Variants in TMC1 observed in about 807,000 individuals in gnomAD.
TMC1 encodes the protein transmembrane channel like 1.
TMC1 carries 84 observed loss-of-function variants against 105.8 expected under a neutral mutation model. The observed-to-expected ratio is 0.79, with a 90% CI of 0.67 to 0.95. The LOEUF (loss-of-function observed/expected upper bound fraction) is 0.95. Ranked by LOEUF, TMC1 falls within the 40% of genes least tolerant of loss-of-function variation. TMC1 has a pLI of 0.00. For synonymous variants in TMC1, 315 were observed against 311.5 expected (o/e 1.01, Z -0.12); for missense variants, 817 against 914.1 (o/e 0.89, Z 1.37).
intron 8 of TMC1, among the ~76,000 whole-genome samples, chr9:72,706,666 A>C (rs955843757): frequency 6.6e-6 from 1 of 152,252 alleles, no homozygotes; most frequent in Non-Finnish European, 1.5e-5. Context: ...GAATGAGAAC[A>C]TATGATATTT....
At chr9:72,759,295 CT>C (rs1827717839) in intron 12 of TMC1, among the ~76,000 whole-genome samples, 1 of 152,088 alleles carries the variant, frequency 6.6e-6, no homozygotes, top group East Asian at 1.9e-4. Context: ...CTTCTCCTGA[CT>C]TTTTGTCTAA....
chr9:72,798,721 A>G (rs530783417), intron 17 of TMC1, among the ~76,000 whole-genome samples: 2 of 152,192 alleles, frequency 1.3e-5, no homozygotes, highest in Admixed American at 1.3e-4. Flanking sequence ...AGCAGAAAAG[A>G]TAACTATTGG....
intron 1 of TMC1, among the ~76,000 whole-genome samples, chr9:72,570,542 T>C (rs1233960944): frequency 6.6e-6 from 1 of 151,996 alleles, no homozygotes; most frequent in Non-Finnish European, 1.5e-5. Context: ...GATCTTAGTA[T>C]TATTGCTTTT....
intron 13 of TMC1, among the ~76,000 whole-genome samples, chr9:72,784,233 A>G (rs188892218): frequency 1.3e-5 from 2 of 152,200 alleles, no homozygotes; most frequent in Non-Finnish European, 2.9e-5. Context: ...ACAAAACAAA[A>G]CAAAACCCTA....
chr9:72,655,420 T>G (rs1454996485), intron 5 of TMC1, among the ~76,000 whole-genome samples: 9 of 152,206 alleles, frequency 5.9e-5, no homozygotes, highest in Non-Finnish European at 5.9e-5. Flanking sequence ...TAGTTTCTGA[T>G]GAGTAGTCTG....
chr9:72,740,260 A>G (rs772391549), intron 9 of TMC1, 51 bp downstream of exon 9: 13 of 1,509,976 alleles, frequency 8.6e-6, no homozygotes, highest in Non-Finnish European at 1.1e-5. Flanking sequence ...TCTAAGAAGA[A>G]CACTGGTTCT....
chr9:72,694,839 T>C (rs1489516047), intron 7 of TMC1, 125 bp downstream of exon 7: 6 of 843,248 alleles, frequency 7.1e-6, no homozygotes, highest in South Asian at 1.7e-5. Context: ...AATCTGATGA[T>C]GCTATTTTAT....
intron 1 of TMC1, among the ~76,000 whole-genome samples, chr9:72,555,288 C>T (rs552327204): frequency 8.6e-5 from 13 of 151,470 alleles, no homozygotes; most frequent in South Asian, 2.1e-4. Context: ...CTCCATCTCC[C>T]GGGTTCAAGT....
At chr9:72,794,417 C>T (rs111791198) in intron 17 of TMC1, among the ~76,000 whole-genome samples, 2 of 152,310 alleles carry the variant, frequency 1.3e-5, no homozygotes, top group African/African-American at 4.8e-5. Flanking sequence ...TGCGGCAACA[C>T]AGGGGAGCCT....
At chr9:72,647,158 A>AAG (rs1257372051) in intron 4 of TMC1, among the ~76,000 whole-genome samples, 1 of 151,296 alleles carries the variant, frequency 6.6e-6, no homozygotes, top group Non-Finnish European at 1.5e-5. Context: ...AAAAAAAAAA[A>AAG]AGAGAGAGAA....
chr9:72,807,124 G>A (rs34810577), intron 18 of TMC1, among the ~76,000 whole-genome samples: 2 of 152,130 alleles, frequency 1.3e-5, no homozygotes, highest in East Asian at 1.9e-4. Flanking sequence ...GTGTCGGCGC[G>A]AGCCTGCAAT....
chr9:72,648,299 T>A (rs939860327), intron 4 of TMC1, among the ~76,000 whole-genome samples: 2 of 152,168 alleles, frequency 1.3e-5, no homozygotes, highest in African/African-American at 4.8e-5. Context: ...TGGAAGGCAT[T>A]AAAAATGAGG....
At chr9:72,787,279 TG>T (rs1305039903) in intron 13 of TMC1, among the ~76,000 whole-genome samples, 2 of 152,168 alleles carry the variant, frequency 1.3e-5, no homozygotes, top group Non-Finnish European at 2.9e-5. Context: ...AAGGGTAAAG[TG>T]GTAGATGGAT....
chr9:72,813,149 G>A lies in TMC1; in HGVS notation c.1696-2994G>A, dbSNP rs76014675. 2.0e-3 allele frequency among the ~76,000 whole-genome samples: 298 copies of A among 149,376 alleles called. 3 individuals carry two copies. Among genetic ancestry groups the A allele is most frequent in the Non-Finnish European group, 2.1e-3 (139 of 67,090 alleles). On this transcript the variant is annotated intron_variant, in intron 18 of 23. Coordinates refer to ENST00000297784, the MANE Select transcript of TMC1 (RefSeq NM_138691.3). Reference sequence around the variant, plus strand: ...ATGATCTCAAAGTTCAAGAGAATCTGTTTTTTTTTCTTTTTCCCTAACCGT... The same window carrying A: ...ATGATCTCAAAGTTCAAGAGAATCTATTTTTTTTTCTTTTTCCCTAACCGT...
chr9:72,563,499 TA>T (rs1824093529), intron 1 of TMC1, among the ~76,000 whole-genome samples: 2 of 152,096 alleles, frequency 1.3e-5, no homozygotes, highest in African/African-American at 4.8e-5. Flanking sequence ...GTAGAGGACT[TA>T]AGAGACCATT....
intron 6 of TMC1, among the ~76,000 whole-genome samples, chr9:72,691,108 G>T (rs1441856064): frequency 6.6e-6 from 1 of 152,008 alleles, no homozygotes; most frequent in East Asian, 1.9e-4. Context: ...TTAGACCTCT[G>T]TAGTGAATTT....
At position 72,540,205 on chromosome 9, in the gene TMC1, G is replaced by T. The variant is rs142613062; in HGVS notation, c.-428+18292G>T. Among the ~76,000 whole-genome samples, 568 of 152,306 alleles carry T rather than the reference G, an allele frequency of 3.7e-3. 14 individuals carry two copies. The highest frequency in any genetic ancestry group is 0.028 in the Admixed American group (431 of 15,298). On this transcript the variant is annotated intron_variant, in intron 1 of 23. Coordinates refer to ENST00000297784, the MANE Select transcript of TMC1 (RefSeq NM_138691.3). ...GGGATCAAATTTCAACATGAAGTTT[G>T]GGAGGGCGAACATCCAAAGTACAGC...
intron 1 of TMC1, among the ~76,000 whole-genome samples, chr9:72,542,903 A>T (rs574734069): frequency 3.0e-4 from 45 of 151,310 alleles, no homozygotes; most frequent in African/African-American, 1.0e-3. Flanking sequence ...CTGGTCTCGA[A>T]CTCCTGACCT....
intron 23 of TMC1, 36 bp from the exon 24 acceptor site, chr9:72,835,915 G>GTTTTTTCTTTTT: frequency 7.6e-7 from 1 of 1,314,682 alleles, no homozygotes; most frequent in Admixed American, 2.2e-5. Flanking sequence ...CTCTCTCCTT[G>GTTTTTTCTTTTT]TTTTTTTTTT....
Sources: gnomAD v4.1 joint callset for allele counts (sites outside exome capture counted in the v4.1 genomes callset) on GRCh38, gnomAD v4.1.1 for gene constraint, MANE v1.5 for transcripts, NCBI Gene and HGNC (gene_info 2026-07-23, HGNC 2026-07-21) for gene names.